BACH1: variants seen among roughly 807,000 people sequenced by gnomAD.
BACH1 encodes BTB domain and CNC homolog 1.
BACH1 carries 35 observed loss-of-function variants against 52.9 expected under a neutral mutation model. The ratio of observed to expected loss-of-function variants is 0.66; its 90% CI spans 0.51 to 0.88. The LOEUF is 0.88. Among genes scored for constraint, BACH1 ranks in the 40% least tolerant of loss-of-function variants. The pLI, the probability that BACH1 is intolerant of heterozygous loss-of-function variation, is 0.00. For missense variants in BACH1, 808 were observed against 872.6 expected (o/e 0.93, Z 0.93); for synonymous variants, 321 against 319.6 (o/e 1.00, Z -0.05).
Position 29,308,472 on chromosome 21 carries a change from A to G in BACH1, c.-61+9519A>G, listed in dbSNP as rs187220778. Among the ~76,000 whole-genome samples the G allele has an allele frequency of 8.6e-4, 131 of 152,234 alleles. 4 individuals are homozygous for G. The East Asian group carries it at 0.022, about 25-fold the overall frequency. On this transcript the variant is annotated intron_variant, in intron 1 of 4. Transcript: ENST00000286800. ...TCTGTTTTATTTAATTAAAATTGTTAACATTCTTTTTTATACTCTTAAGCA... is the reference window on the plus strand; with the variant it reads ...TCTGTTTTATTTAATTAAAATTGTTGACATTCTTTTTTATACTCTTAAGCA...
chr21:29,340,538 C>T (rs1420208189), intron 4 of BACH1, among the ~76,000 whole-genome samples: 1 of 152,138 alleles, frequency 6.6e-6, no homozygotes, highest in African/African-American at 2.4e-5. Context: ...AGTAGTGGTT[C>T]TAATTTCTGG....
chr21:29,309,257 C>CAAAAAA (rs3054257), intron 1 of BACH1, among the ~76,000 whole-genome samples: 1 of 91,840 alleles, frequency 1.1e-5, no homozygotes. Context: ...GACTCTGTCT[C>CAAAAAA]AAAAAAAAAA....
intron 4 of BACH1, among the ~76,000 whole-genome samples, chr21:29,334,633 T>C (rs933495352): frequency 6.6e-6 from 1 of 152,224 alleles, no homozygotes; most frequent in Non-Finnish European, 1.5e-5. Flanking sequence ...AATGTATTTC[T>C]TTTAGAAAGT....
chr21:29,357,526 C>T (rs2123494488), intron 2 of BACH1, among the ~76,000 whole-genome samples: 1 of 152,256 alleles, frequency 6.6e-6, no homozygotes, highest in East Asian at 1.9e-4. Context: ...CATAAACTTC[C>T]TTTGGCACCT....
downstream of BACH1, among the ~76,000 whole-genome samples, chr21:29,350,813 C>T (rs777827905): frequency 2.6e-5 from 4 of 152,106 alleles, no homozygotes; most frequent in Non-Finnish European, 5.9e-5. Context: ...AAAGGAATTA[C>T]GTGGAGGCAG....
At position 29,345,257 on chromosome 21, in the gene BACH1, C is replaced by T; in HGVS notation, c.*2424C>T. ...TTTATGCCTATTTTAACATTAACTT[C>T]TAAAGAAGTTTTTTCTAAGAAAATG... is the stretch of plus-strand genomic sequence containing the variant. On this transcript the variant is annotated 3_prime_UTR_variant, in exon 5 of 5. Transcript: ENST00000286800. 1 of 152,548 alleles carries T rather than the reference C, an allele frequency of 6.6e-6. No homozygotes were observed. 9.4% of individuals were successfully genotyped at this position (152,548 alleles called of 1,614,324 possible).
intron 3 of BACH1, 45 bp downstream of exon 3, chr21:29,327,438 A>G: frequency 6.4e-7 from 1 of 1,569,012 alleles, no homozygotes; most frequent in Non-Finnish European, 8.6e-7. Context: ...ATAACCATTA[A>G]TTGGGATTTA....
chr21:29,331,205 A>G lies in BACH1; in HGVS notation c.1776+1512A>G, dbSNP rs535216505. Among the ~76,000 whole-genome samples, 3 of 152,288 alleles carry G rather than the reference A, an allele frequency of 2.0e-5. No homozygotes were observed. In the East Asian group the frequency reaches 5.8e-4, roughly 29 times the overall value. On this transcript the variant is annotated intron_variant, in intron 4 of 4. Coordinates refer to ENST00000286800, the MANE Select transcript of BACH1 (RefSeq NM_001186.4). ...GTGCTGCAATACAGAGATGCTTTTT[A>G]CACTGTTAGGTTATGCGAAGCTAGT...
chr21:29,325,980 T>C, intron 2 of BACH1, 79 bp from the exon 3 acceptor site: 8 of 1,356,484 alleles, frequency 5.9e-6, no homozygotes, highest in Non-Finnish European at 7.9e-6. Flanking sequence ...TATCTCTCTA[T>C]TCCTCTTCTA....
At chr21:29,307,423 G>C (rs151116572) in intron 1 of BACH1, among the ~76,000 whole-genome samples, 553 of 152,266 alleles carry the variant, frequency 3.6e-3, no homozygotes, top group Non-Finnish European at 6.5e-3. Context: ...GTGTGTGTGT[G>C]TGTGGTGAGA....
downstream of BACH1, among the ~76,000 whole-genome samples, chr21:29,347,977 T>C (rs557887267): frequency 6.6e-6 from 1 of 152,248 alleles, no homozygotes; most frequent in Non-Finnish European, 1.5e-5. Flanking sequence ...TATTCAACTT[T>C]TAGAGAAAAA....
chr21:29,350,785 G>A (rs919546231), downstream of BACH1, among the ~76,000 whole-genome samples: 1 of 152,188 alleles, frequency 6.6e-6, no homozygotes, highest in African/African-American at 2.4e-5. Flanking sequence ...AGTGTAGAAG[G>A]TGAAGGGAAG....
chr21:29,334,115 T>A (rs974160544), intron 4 of BACH1, among the ~76,000 whole-genome samples: 1 of 151,830 alleles, frequency 6.6e-6, no homozygotes, highest in Non-Finnish European at 1.5e-5. Flanking sequence ...TTTTTTATTT[T>A]TTTTTTTGAG....
At chr21:29,358,814 G>GAAAGA (rs1555888598) in intron 2 of BACH1, among the ~76,000 whole-genome samples, 11 of 108,196 alleles carry the variant, frequency 1.0e-4, no homozygotes, top group Non-Finnish European at 1.5e-4. Flanking sequence ...AAGAAAGAAA[G>GAAAGA]AAGAAAGAAA....
intron 4 of BACH1, among the ~76,000 whole-genome samples, chr21:29,340,751 C>T (rs1456265686): frequency 6.6e-6 from 1 of 152,086 alleles, no homozygotes; most frequent in African/African-American, 2.4e-5. Flanking sequence ...TTTGGATTGG[C>T]TTCTGAGAGA....
chr21:29,328,631 A>G (rs1367862060), intron 3 of BACH1, among the ~76,000 whole-genome samples: 2 of 152,216 alleles, frequency 1.3e-5, no homozygotes, highest in Non-Finnish European at 2.9e-5. Flanking sequence ...TAAGCACAAT[A>G]TTGTACAGCA....
At chr21:29,301,488 T>C (rs768108473) in intron 1 of BACH1, among the ~76,000 whole-genome samples, 31 of 152,218 alleles carry the variant, frequency 2.0e-4, no homozygotes, top group Admixed American at 5.2e-4. Context: ...TTAAGTTTTA[T>C]TTTATAGGTA....
chr21:29,320,795 C>T (rs1250488879), intron 1 of BACH1, among the ~76,000 whole-genome samples: 1 of 152,212 alleles, frequency 6.6e-6, no homozygotes, highest in Non-Finnish European at 1.5e-5. Context: ...CTATCAGTCT[C>T]ATCCCAAGGT....
At chr21:29,349,789 G>T (rs1340493425), downstream of BACH1, among the ~76,000 whole-genome samples, 2 of 152,126 alleles carry the variant, frequency 1.3e-5, no homozygotes, top group African/African-American at 4.8e-5. Flanking sequence ...TGCTGTCTTG[G>T]CTGGGGATTG....
Sources: gnomAD v4.1 joint callset for allele counts (sites outside exome capture counted in the v4.1 genomes callset) on GRCh38, gnomAD v4.1.1 for gene constraint, MANE v1.5 for transcripts, NCBI Gene and HGNC (gene_info 2026-07-23, HGNC 2026-07-21) for gene names.